The following GON4L variants were observed in gnomAD, a reference collection of about 807,000 sequenced individuals.
The protein encoded by GON4L is gon-4 like.
A neutral mutation model predicts 211.8 loss-of-function variants in GON4L; 87 were observed. The observed-to-expected ratio is 0.41, with a 90% CI of 0.35 to 0.49. GON4L has a LOEUF of 0.49. GON4L is among the 20% of genes least tolerant of loss of function. GON4L has a pLI of 0.15. For synonymous variants in GON4L, 875 were observed against 962.6 expected (o/e 0.91, Z 1.68); for missense variants, 2,155 against 2,659.5 (o/e 0.81, Z 4.17).
intron 11 of GON4L, among the ~76,000 whole-genome samples, chr1:155,798,306 A>G (rs989942397): frequency 3.3e-5 from 5 of 150,774 alleles, no homozygotes; most frequent in Non-Finnish European, 7.4e-5. Flanking sequence ...TTGTGGGTTT[A>G]ACTTATCAGT....
chr1:155,772,837 T>G (rs555640389), intron 18 of GON4L, among the ~76,000 whole-genome samples: 2 of 152,124 alleles, frequency 1.3e-5, no homozygotes, highest in Non-Finnish European at 2.9e-5. Context: ...AGCCACCATG[T>G]CCGGTCTAAA....
At chr1:155,848,520 T>C (rs996138689) in intron 2 of GON4L, among the ~76,000 whole-genome samples, 1 of 152,218 alleles carries the variant, frequency 6.6e-6, no homozygotes, top group Non-Finnish European at 1.5e-5. Context: ...GCCTTAGTAC[T>C]TTCCCACACA....
At chr1:155,793,855 C>T (rs1232531498) in intron 12 of GON4L, among the ~76,000 whole-genome samples, 2 of 152,306 alleles carry the variant, frequency 1.3e-5, no homozygotes, top group Admixed American at 6.5e-5. Flanking sequence ...AGCAATCTTC[C>T]TGCCCCAGCC....
chr1:155,840,895 C>T (rs1296649029), intron 2 of GON4L, among the ~76,000 whole-genome samples: 1 of 152,026 alleles, frequency 6.6e-6, no homozygotes, highest in African/African-American at 2.4e-5. Context: ...ATTAGCTGGG[C>T]GTGGTAGTAC....
At position 155,767,543 on chromosome 1, in the gene GON4L, T is replaced by C; in HGVS notation, c.2647-2A>G. On this transcript the variant is annotated splice_acceptor_variant, in intron 19 of 31. Coordinates refer to ENST00000368331, the MANE Select transcript of GON4L (RefSeq NM_001282860.2). LOFTEE classifies it high-confidence loss of function. ...CAGCTGTTTGGTCTTCTTATAAAAC[T>C]TAACATGAAAAAAATGCGCATGAAT... The C allele has an allele frequency of 1.2e-6, 2 of 1,608,882 alleles. No homozygotes were observed. The highest frequency in any genetic ancestry group is 1.7e-6 in the Non-Finnish European group (2 of 1,176,354).
chr1:155,815,723 C>T (rs1393158969), intron 8 of GON4L, 82 bp downstream of exon 8: 2 of 822,730 alleles, frequency 2.4e-6, no homozygotes, highest in Non-Finnish European at 4.2e-6. Context: ...ATGTCTCAAT[C>T]CTCTCTACAA....
At chr1:155,783,700 C>G (rs969566090) in intron 14 of GON4L, among the ~76,000 whole-genome samples, 2 of 152,210 alleles carry the variant, frequency 1.3e-5, no homozygotes, top group African/African-American at 4.8e-5. Context: ...TGGCTGGCCA[C>G]ATTGAGTCCT....
At chr1:155,842,954 G>A (rs915322937) in intron 2 of GON4L, among the ~76,000 whole-genome samples, 3 of 152,094 alleles carry the variant, frequency 2.0e-5, no homozygotes, top group African/African-American at 7.2e-5. Flanking sequence ...GTTAAACTTC[G>A]GGGAATCACT....
In GON4L at chr1:155,763,361, A is replaced by C. The variant is rs760791752; in HGVS notation, c.4677T>G (p.Phe1559Leu). ...CTTCTGGAGCAGTCTCAGGTGAAGC[A>C]AAAGTAGGAGGCTTCTCAGCAGAGT... ...VGDSAEKPPT[F>L]ASPETAPEVE... The change falls in exon 22 of 32, where the codon TTT (phenylalanine) becomes TTG (leucine). Residue 1559 changes from phenylalanine to leucine, a missense_variant. Physicochemically the swap from Phe to Leu is conservative, Grantham distance 22. Coordinates refer to ENST00000368331, the MANE Select transcript of GON4L (RefSeq NM_001282860.2). 38 of 1,613,670 alleles carry C rather than the reference A, an allele frequency of 2.4e-5. 1 individual carries two copies. The South Asian group carries it at 4.2e-4, about 18-fold the overall frequency.
At chr1:155,800,657 G>A (rs1291159430) in intron 11 of GON4L, among the ~76,000 whole-genome samples, 1 of 151,980 alleles carries the variant, frequency 6.6e-6, no homozygotes, top group Non-Finnish European at 1.5e-5. Context: ...TTCGAGACAA[G>A]CCTGGCCAAT....
At chr1:155,764,426 ATTTTT>A (rs371568461) in intron 21 of GON4L, 2 of 139,566 alleles carry the variant, frequency 1.4e-5, no homozygotes, top group African/African-American at 3.2e-5. Context: ...GTTATTTACT[ATTTTT>A]TTTTTTTTTT....
chr1:155,745,494 C>G (rs1660223679), downstream of GON4L, among the ~76,000 whole-genome samples: 1 of 152,210 alleles, frequency 6.6e-6, no homozygotes, highest in African/African-American at 2.4e-5. Context: ...GAGATAAGAC[C>G]TCAAGGGAAG....
chr1:155,774,855 A>G, intron 17 of GON4L, 147 bp downstream of exon 17: 2 of 837,296 alleles, frequency 2.4e-6, no homozygotes, highest in Non-Finnish European at 3.9e-6. Flanking sequence ...TAATGAGTAC[A>G]AAGGGAGGAT....
chr1:155,756,887 C>T, intron 27 of GON4L, 71 bp downstream of exon 27: 1 of 1,166,066 alleles, frequency 8.6e-7, no homozygotes, highest in Non-Finnish European at 1.3e-6. Flanking sequence ...CAAGATTACG[C>T]CACTGCACTC....
intron 2 of GON4L, among the ~76,000 whole-genome samples, chr1:155,842,936 C>T (rs1571920598): frequency 6.6e-6 from 1 of 152,154 alleles, no homozygotes; most frequent in Non-Finnish European, 1.5e-5. Context: ...TTAAGCACTC[C>T]CACTGCTGTT....
chr1:155,836,494 C>T (rs183572736), intron 2 of GON4L, among the ~76,000 whole-genome samples: 2 of 152,300 alleles, frequency 1.3e-5, no homozygotes, highest in East Asian at 1.9e-4. Context: ...GTGATCCCCC[C>T]GCCTCGGCCT....
At chr1:155,749,248 G>T, downstream of GON4L, 1 of 1,554,004 alleles carries the variant, frequency 6.4e-7, no homozygotes, top group Non-Finnish European at 8.7e-7. Context: ...GCAAAACTCT[G>T]TCTCAAAAAG....
chr1:155,777,848 T>C, intron 14 of GON4L, 28 bp from the exon 15 acceptor site: 3 of 1,444,688 alleles, frequency 2.1e-6, no homozygotes, highest in Non-Finnish European at 2.9e-6. Context: ...ATGACTGAAT[T>C]TGAGTGTTTC....
chr1:155,832,210 G>A (rs1227707821), intron 2 of GON4L, among the ~76,000 whole-genome samples: 2 of 128,184 alleles, frequency 1.6e-5, no homozygotes, highest in Non-Finnish European at 3.4e-5. Context: ...GGGAGGTGGA[G>A]GTTGCAGTGA....
Sources: allele counts gnomAD v4.1 joint callset (sites outside exome capture counted in the v4.1 genomes callset), GRCh38; gene constraint gnomAD v4.1.1; transcripts MANE v1.5; gene names NCBI Gene and HGNC (gene_info 2026-07-23, HGNC 2026-07-21).